Variants in LYRM4 observed in about 807,000 individuals in gnomAD.
LYRM4 encodes LYR motif-containing protein 4.
LYRM4 carries 9 observed loss-of-function variants against 11.7 expected under a neutral mutation model. The ratio of observed to expected loss-of-function variants is 0.77; its 90% CI spans 0.46 to 1.34. The LOEUF is 1.34. Among genes scored for constraint, LYRM4 ranks in the 40% most tolerant of loss-of-function variants. LYRM4 has a pLI of 0.00. For synonymous variants in LYRM4, 42 were observed against 40.4 expected (o/e 1.04, Z -0.15); for missense variants, 133 against 112.5 (o/e 1.18, Z -0.82).
At chr6:5,062,124 G>C in the LYRM4 span, among the ~76,000 whole-genome samples, 1 of 112,330 alleles carries the variant, frequency 8.9e-6, no homozygotes, top group African/African-American at 3.5e-5. Context: ...TCGCTCTGTT[G>C]CCCAGGCTAG....
At chr6:5,086,041 G>C in the LYRM4 span, 36 of 1,488,748 alleles carry the variant, frequency 2.4e-5, 1 homozygote, top group African/African-American at 5.3e-4. Context: ...CGCGGCGGCA[G>C]TGGCCGCGCC....
downstream of LYRM4, among the ~76,000 whole-genome samples, chr6:5,102,275 A>AATATG (rs1438235358): frequency 6.6e-5 from 10 of 152,190 alleles, no homozygotes; most frequent in African/African-American, 2.2e-4. Flanking sequence ...ACATGCTTGA[A>AATATG]ATATGAATGG....
chr6:5,136,791 C>T (rs958778246), intron 2 of LYRM4: 33 of 985,246 alleles, frequency 3.3e-5, no homozygotes, highest in South Asian at 4.7e-5. Context: ...CAGAGGGCTC[C>T]GCACAGAAGA....
chr6:5,104,796 A>G (rs606033), downstream of LYRM4: 120,942 of 152,032 alleles, frequency 0.8, 48,334 homozygotes, highest in East Asian at 0.93. Flanking sequence ...CCTGCTCCTG[A>G]GACTCCTCCT....
chr6:5,110,313 C>A (rs888060226), intron 2 of LYRM4, among the ~76,000 whole-genome samples: 2 of 104,528 alleles, frequency 1.9e-5, no homozygotes, highest in African/African-American at 8.1e-5. Flanking sequence ...GCAAACAGAG[C>A]AGCCAGGGGT....
intron 2 of LYRM4, among the ~76,000 whole-genome samples, chr6:5,213,800 A>G (rs1762108616): frequency 6.6e-6 from 1 of 152,216 alleles, no homozygotes; most frequent in Non-Finnish European, 1.5e-5. Context: ...ACTAAGAGCC[A>G]GCTCTATGTG....
the LYRM4 span, among the ~76,000 whole-genome samples, chr6:5,038,988 C>T: frequency 3.3e-5 from 5 of 151,560 alleles, no homozygotes; most frequent in Non-Finnish European, 5.9e-5. Context: ...TCTGGATGAA[C>T]GGCCACACCT....
At chr6:5,093,141 A>T in the LYRM4 span, among the ~76,000 whole-genome samples, 1 of 152,202 alleles carries the variant, frequency 6.6e-6, no homozygotes, top group Non-Finnish European at 1.5e-5. Context: ...CCTGAACTAG[A>T]TGTTGCTTTT....
chr6:5,085,427 T>G, the LYRM4 span: 1 of 1,250,600 alleles, frequency 8.0e-7, no homozygotes, highest in Non-Finnish European at 1.1e-6. Context: ...CCCGAGGAGT[T>G]AGTTAAGTCT....
intron 2 of LYRM4, among the ~76,000 whole-genome samples, chr6:5,154,946 C>T (rs769878204): frequency 9.2e-5 from 14 of 152,218 alleles, no homozygotes; most frequent in Non-Finnish European, 2.1e-4. Context: ...AGGCCTGGGA[C>T]TTTTAATAAA....
downstream of LYRM4, among the ~76,000 whole-genome samples, chr6:5,098,823 A>G (rs1762414737): frequency 6.6e-6 from 1 of 152,060 alleles, no homozygotes; most frequent in African/African-American, 2.4e-5. Flanking sequence ...GCTGCTTTCC[A>G]CTTGGTTAGG....
intron 2 of LYRM4, among the ~76,000 whole-genome samples, chr6:5,118,736 C>T (rs1312746279): frequency 1.3e-5 from 2 of 152,132 alleles, no homozygotes; most frequent in African/African-American, 4.8e-5. Flanking sequence ...GAAATAGGGA[C>T]ACATGAATTT....
intron 2 of LYRM4, among the ~76,000 whole-genome samples, chr6:5,143,120 C>T (rs1208104799): frequency 1.3e-5 from 2 of 152,194 alleles, no homozygotes; most frequent in Admixed American, 6.5e-5. Flanking sequence ...TTCACAATGC[C>T]TCAGGGGTGA....
chr6:5,210,634 C>T (rs1459525508), intron 2 of LYRM4, among the ~76,000 whole-genome samples: 1 of 152,152 alleles, frequency 6.6e-6, no homozygotes, highest in Non-Finnish European at 1.5e-5. Context: ...TTTTCATCTT[C>T]CCAAATTGAA....
the LYRM4 span, among the ~76,000 whole-genome samples, chr6:5,095,220 G>T: frequency 6.6e-6 from 1 of 152,056 alleles, no homozygotes; most frequent in Non-Finnish European, 1.5e-5. Flanking sequence ...AGAGCCCCTG[G>T]GTGCTGCTAA....
the LYRM4 span, among the ~76,000 whole-genome samples, chr6:5,084,411 G>A: frequency 6.6e-6 from 1 of 152,132 alleles, no homozygotes; most frequent in South Asian, 2.1e-4. Context: ...CGGGGAGGGT[G>A]CTTGGGGCGC....
intron 1 of LYRM4, among the ~76,000 whole-genome samples, chr6:5,231,848 CT>C (rs1398525402): frequency 2.0e-5 from 3 of 152,168 alleles, no homozygotes; most frequent in Non-Finnish European, 4.4e-5. Flanking sequence ...GTTACAGCAT[CT>C]TTCTTCCAAG....
chr6:5,069,017 C>A, the LYRM4 span, among the ~76,000 whole-genome samples: 1 of 152,040 alleles, frequency 6.6e-6, no homozygotes, highest in Non-Finnish European at 1.5e-5. Flanking sequence ...CCTAGATCCT[C>A]TTCAGACATG....
the LYRM4 span, among the ~76,000 whole-genome samples, chr6:5,095,928 C>T: frequency 3.3e-5 from 5 of 152,118 alleles, no homozygotes; most frequent in African/African-American, 4.8e-5. Context: ...TGCAGTGAGC[C>T]GAGATCGCAC....
Sources: gnomAD v4.1 joint callset for allele counts (sites outside exome capture counted in the v4.1 genomes callset) on GRCh38, gnomAD v4.1.1 for gene constraint, MANE v1.5 for transcripts, NCBI Gene and HGNC (gene_info 2026-07-23, HGNC 2026-07-21) for gene names.